The following EPS8L3 variants were observed in gnomAD, a reference collection of about 807,000 sequenced individuals.
The protein encoded by EPS8L3 is EPS8 signaling adaptor L3.
In EPS8L3, 80 loss-of-function variants were observed where a neutral mutation model predicts 88.5. The ratio of observed to expected loss-of-function variants is 0.90; its 90% CI spans 0.75 to 1.09. EPS8L3 has a LOEUF of 1.09. Among genes scored for constraint, EPS8L3 ranks in the 50% least tolerant of loss-of-function variants. The probability of loss-of-function intolerance (pLI) is 0.00; values close to 1 mark genes in which losing one functional copy is unlikely to be tolerated. For synonymous variants in EPS8L3, 286 were observed against 291.0 expected, an observed-to-expected ratio of 0.98 and a Z score of 0.18; for missense variants, 721 against 735.2, an observed-to-expected ratio of 0.98 and a Z score of 0.22.
intron 3 of EPS8L3, among the ~76,000 whole-genome samples, chr1:109,760,295 G>A (rs1288614301): frequency 1.3e-5 from 2 of 152,108 alleles, no homozygotes; most frequent in Non-Finnish European, 2.9e-5. Flanking sequence ...CTTCTCCCTG[G>A]TTCATGCCTG....
intron 8 of EPS8L3, 81 bp downstream of exon 8, chr1:109,758,235 C>T (rs541540514): frequency 4.9e-6 from 7 of 1,432,068 alleles, no homozygotes; most frequent in Non-Finnish European, 6.8e-6. Context: ...CCCTGGCCTC[C>T]TAGAAAAAGA....
intron 10 of EPS8L3, 84 bp downstream of exon 10, chr1:109,757,718 G>T: frequency 6.7e-7 from 1 of 1,499,152 alleles, no homozygotes; most frequent in Non-Finnish European, 9.3e-7. Flanking sequence ...AAAAGGCTTG[G>T]GATGGTTGAG....
chr1:109,758,619 C>T lies in EPS8L3; in HGVS notation c.506G>A (p.Gly169Glu). 5 of 1,612,084 alleles carry T rather than the reference C, an allele frequency of 3.1e-6. No homozygotes were observed. The highest frequency in any genetic ancestry group is 3.4e-6 in the Non-Finnish European group (4 of 1,178,958). The part of the protein sequence containing the change: ...GLQPGQDRWR[G>E]PAMERPLPME... ...AGGGAGCGGCCTTTCCATAGCAGGC[C>T]CCCTCCATCTGTCCTGGCCTGGCTG... The change falls in exon 7 of 19, where the codon GGG becomes GAG. Residue 169 changes from glycine (G) to glutamate (E), a missense_variant. Transcript: ENST00000361965.
rs1400502690 is a variant in EPS8L3 at position 109,757,967 on chromosome 1, C to G, written c.809G>C (p.Gly270Ala). The change falls in exon 9 of 19, where the codon GGG (glycine) becomes GCG (alanine). Residue 270 changes from glycine (G) to alanine (A), a missense_variant. Gly to Ala is a moderately conservative substitution (Grantham distance 60, BLOSUM62 0). Transcript: ENST00000361965. ...ACCTCCCTGGTCCTTGTTTTTTTTC[C>G]CAAATTTCTTCTTCCTGCTGGTCTT... ...QAKTSRKKKFGKKNKDQGGLT... is the reference protein window; with the variant it reads ...QAKTSRKKKFAKKNKDQGGLT... 6.2e-7 allele frequency: 1 copy of G among 1,614,130 alleles called. No homozygotes were observed. Among genetic ancestry groups the G allele is most frequent in the Admixed American group, 1.7e-5 (1 of 60,022 alleles).
rs547537319 is a variant in EPS8L3 at position 109,758,308 on chromosome 1, G to T, written c.717+8C>A. Reference sequence around the variant, plus strand: ...AGCCTCAGCAAACTCAAGACCATCCGCAGTTACCTCGTCCCTCTCTGGGTC... The same window carrying T: ...AGCCTCAGCAAACTCAAGACCATCCTCAGTTACCTCGTCCCTCTCTGGGTC... On this transcript the variant is annotated splice_region_variant and intron_variant, in intron 8 of 18. Transcript: ENST00000361965. 2.5e-6 allele frequency: 4 copies of T among 1,609,048 alleles called. No individual in the cohort carries two copies. In the South Asian group the frequency reaches 3.3e-5, roughly 13 times the overall value.
In EPS8L3 at chr1:109,751,989, C is replaced by G; in HGVS notation, c.1434+6G>C. The G allele has an allele frequency of 6.3e-7, 1 of 1,598,488 alleles. No individual in the cohort carries two copies. Among genetic ancestry groups the G allele is most frequent in the Non-Finnish European group, 8.5e-7 (1 of 1,171,518 alleles). ...CTCCTTTTCTAGCCTATGGCCCAAG[C>G]CTCACCTCCAGCTTCTCTCCCTGGA... On this transcript the variant is annotated splice_donor_region_variant and intron_variant, in intron 15 of 18. Transcript: ENST00000361965.
At chr1:109,754,104 A>G (rs1008890980) in intron 12 of EPS8L3, among the ~76,000 whole-genome samples, 6 of 151,658 alleles carry the variant, frequency 4.0e-5, no homozygotes, top group Admixed American at 2.0e-4. Flanking sequence ...TTGGGTCTTG[A>G]CCCTAATACT....
rs571691914 is a variant in EPS8L3, at chr1:109,759,931, G to A, written c.97-95C>T. The A allele has an allele frequency of 1.7e-5, 23 of 1,355,504 alleles. 1 individual carries two copies. The highest frequency in any genetic ancestry group is 5.4e-5 in the South Asian group (4 of 74,208). 84.0% of individuals were successfully genotyped at this position (1,355,504 alleles called of 1,614,324 possible). A position where few individuals can be genotyped will look rare whatever the true frequency, so the allele number is the denominator to read the frequency against. ...GAGAAAAGCAGAAGAGGAAGAAGACGTGTCCTCGGCCCCCTTGAGGTAGGA... is the reference window on the plus strand; with the variant it reads ...GAGAAAAGCAGAAGAGGAAGAAGACATGTCCTCGGCCCCCTTGAGGTAGGA... On this transcript the variant is annotated intron_variant, in intron 3 of 18. Coordinates refer to ENST00000361965, the MANE Select transcript of EPS8L3 (RefSeq NM_133181.4). The surrounding 1 kb of genome is among the most constrained non-coding windows in gnomAD (Gnocchi z 4.2).
intron 10 of EPS8L3, 120 bp downstream of exon 10, chr1:109,757,682 G>T (rs1650423124): frequency 1.4e-6 from 2 of 1,389,144 alleles, no homozygotes; most frequent in African/African-American, 1.4e-5. Flanking sequence ...GGGAGGGGAG[G>T]TTCTAGGGGG....
chr1:109,755,649 A>G (rs1276351226), intron 12 of EPS8L3, among the ~76,000 whole-genome samples: 1 of 152,082 alleles, frequency 6.6e-6, no homozygotes, highest in Non-Finnish European at 1.5e-5. Flanking sequence ...TACAAAAAAA[A>G]TACAAAAAAT....
chr1:109,754,587 C>T (rs1650109901), intron 12 of EPS8L3, among the ~76,000 whole-genome samples: 1 of 152,114 alleles, frequency 6.6e-6, no homozygotes, highest in African/African-American at 2.4e-5. Flanking sequence ...TTTGCATCTT[C>T]GTGGGTATTT....
chr1:109,757,337 T>A, intron 11 of EPS8L3, 144 bp downstream of exon 11: 2 of 1,114,372 alleles, frequency 1.8e-6, no homozygotes, highest in Non-Finnish European at 2.6e-6. Flanking sequence ...CTTAGAGCCT[T>A]GGCGTCCTTG....
At chr1:109,758,174 G>T (rs1212611418) in intron 8 of EPS8L3, 116 bp from the exon 9 acceptor site, 19 of 1,287,438 alleles carry the variant, frequency 1.5e-5, no homozygotes, top group Non-Finnish European at 2.1e-5. Flanking sequence ...CCAGCCTGGA[G>T]TATAAACAAG....
rs774216761 is a variant in EPS8L3 at position 109,757,821 on chromosome 1, T to G, written c.875A>C (p.Lys292Thr). The G allele has an allele frequency of 1.2e-6, 2 of 1,614,136 alleles. No individual in the cohort carries two copies. The highest frequency in any genetic ancestry group is 8.5e-7 in the Non-Finnish European group (1 of 1,179,992). Residue 292 changes from lysine (K) to threonine (T), a missense_variant, in exon 10 of 19, where the codon AAG becomes ACG. Physicochemically the swap from Lys to Thr is moderately conservative, Grantham distance 78. Transcript: ENST00000361965. ...ACCTACCAGGAGGTTGAAGCTGTGC[T>G]TGATCTTCTGGAAGCAGTCAATGTA... ...AQYIDCFQKI[K>T]HSFNLLGRLA...
chr1:109,761,488 T>C lies in EPS8L3; in HGVS notation c.96+7A>G, dbSNP rs776675211. On this transcript the variant is annotated splice_region_variant and intron_variant, in intron 3 of 18. Transcript: ENST00000361965. The stretch of plus-strand genomic sequence containing the variant: ...GGACACTGCCCGGGGGCTGCAGAGG[T>C]ACTCACCTCCACCCTGTGCTGCAGG... 3 of 1,608,236 alleles carry C rather than the reference T, an allele frequency of 1.9e-6. No homozygotes were observed. Among genetic ancestry groups the C allele is most frequent in the Non-Finnish European group, 1.7e-6 (2 of 1,175,952 alleles).
intron 12 of EPS8L3, among the ~76,000 whole-genome samples, chr1:109,755,526 G>A (rs1264111140): frequency 6.6e-6 from 1 of 152,100 alleles, no homozygotes; most frequent in African/African-American, 2.4e-5. Flanking sequence ...TGGTCATGGC[G>A]GGGTGCGGCA....
intron 13 of EPS8L3, 123 bp from the exon 14 acceptor site, chr1:109,752,843 GC>G: frequency 1.1e-6 from 1 of 899,566 alleles, no homozygotes; most frequent in South Asian, 1.5e-5. Flanking sequence ...CCCCTTTCCT[GC>G]CTCCCCCAGT....
intron 11 of EPS8L3, 148 bp downstream of exon 11, chr1:109,757,333 G>T (rs576410781): frequency 9.8e-6 from 11 of 1,124,892 alleles, no homozygotes; most frequent in Admixed American, 2.4e-5. Flanking sequence ...CTCCCTTAGA[G>T]CCTTGGCGTC....
chr1:109,751,288 A>C lies in EPS8L3; in HGVS notation c.1627T>G (p.Phe543Val). ...GGGCCAGGCACTCACGCAGTGGAGA[A>C]GTTCTCTGCCTGCAGCCAGTCTGTG... The part of the protein sequence containing the change: ...EVTDWLQAEN[F>V]STATVRTLGS... The change falls in exon 17 of 19, where the codon TTC becomes GTC. Residue 543 changes from phenylalanine (F) to valine (V), a missense_variant. Transcript: ENST00000361965. 2.5e-6 allele frequency: 4 copies of C among 1,613,936 alleles called. No homozygotes were observed. Among genetic ancestry groups the C allele is most frequent in the Non-Finnish European group, 3.4e-6 (4 of 1,179,964 alleles).
Sources: gnomAD v4.1 joint callset for allele counts (sites outside exome capture counted in the v4.1 genomes callset) on GRCh38, gnomAD v4.1.1 for gene constraint, Gnocchi (gnomAD v3.1) non-coding constraint, MANE v1.5 for transcripts, NCBI Gene and HGNC (gene_info 2026-07-23, HGNC 2026-07-21) for gene names.